The following VMP1 variants were observed in gnomAD, a reference collection of about 807,000 sequenced individuals.
VMP1 encodes the protein vacuole membrane protein 1, also known as ectopic P-granules autophagy protein 3 homolog.
A neutral mutation model predicts 56.0 loss-of-function variants in VMP1; 11 were observed. The ratio of observed to expected loss-of-function variants is 0.20; its 90% CI spans 0.12 to 0.32. The LOEUF (loss-of-function observed/expected upper bound fraction) is 0.32, where lower values mean the gene tolerates loss of function less well. Ranked by LOEUF, VMP1 falls within the 10% of genes least tolerant of loss-of-function variation. The pLI is 1.00. For synonymous variants in VMP1, 149 were observed against 165.0 expected, an observed-to-expected ratio of 0.90 and a Z score of 0.74; for missense variants, 296 against 490.3, an observed-to-expected ratio of 0.60 and a Z score of 3.74.
chr17:59,773,681 G>T, intron 6 of VMP1, 73 bp from the exon 7 acceptor site: 1 of 1,409,578 alleles, frequency 7.1e-7, no homozygotes, highest in Non-Finnish European at 9.5e-7. Flanking sequence ...ATATAGAAGA[G>T]TATGGGTTTG....
At chr17:59,714,191 A>G (rs2034057643) in intron 1 of VMP1, among the ~76,000 whole-genome samples, 1 of 152,102 alleles carries the variant, frequency 6.6e-6, no homozygotes, top group Non-Finnish European at 1.5e-5. Context: ...GAGTGGCCAC[A>G]TTGGGTAAGG....
At chr17:59,737,614 A>G in intron 4 of VMP1, 71 bp downstream of exon 4, 1 of 1,359,462 alleles carries the variant, frequency 7.4e-7, no homozygotes, top group Non-Finnish European at 1.0e-6. Flanking sequence ...TTCAAATGGG[A>G]TGAATGTGGG....
At chr17:59,733,171 G>A (rs2143810503) in intron 2 of VMP1, among the ~76,000 whole-genome samples, 1 of 151,160 alleles carries the variant, frequency 6.6e-6, no homozygotes, top group South Asian at 2.1e-4. Flanking sequence ...GGGTGACAGA[G>A]CAAGACCCTG....
intron 5 of VMP1, among the ~76,000 whole-genome samples, chr17:59,764,383 C>T (rs751143789): frequency 2.6e-5 from 4 of 152,122 alleles, no homozygotes; most frequent in Non-Finnish European, 1.5e-5. Context: ...GACTGGAGTG[C>T]AGTGGCACAA....
At chr17:59,838,543 A>G (rs2039058335) in intron 11 of VMP1, 146 bp downstream of exon 11, 6 of 731,358 alleles carry the variant, frequency 8.2e-6, no homozygotes, top group Non-Finnish European at 1.4e-5. Context: ...TGTATGCTCT[A>G]CTGGGAAATT....
chr17:59,773,340 G>C (rs1019127910), intron 6 of VMP1, among the ~76,000 whole-genome samples: 1 of 151,862 alleles, frequency 6.6e-6, no homozygotes, highest in Non-Finnish European at 1.5e-5. Flanking sequence ...CAGAGTCTAA[G>C]TAGAGATTCT....
chr17:59,739,322 A>G (rs1378062704), intron 5 of VMP1, among the ~76,000 whole-genome samples: 1 of 152,232 alleles, frequency 6.6e-6, no homozygotes, highest in African/African-American at 2.4e-5. Flanking sequence ...CTCTAACATC[A>G]TTTACATACT....
intron 10 of VMP1, among the ~76,000 whole-genome samples, chr17:59,837,365 G>A (rs1665672695): frequency 1.3e-5 from 2 of 152,098 alleles, no homozygotes; most frequent in South Asian, 4.1e-4. Flanking sequence ...GAAACTAAAA[G>A]GTACAGAAAA....
chr17:59,791,240 G>A (rs2645474), intron 7 of VMP1, among the ~76,000 whole-genome samples: 36,964 of 148,474 alleles, frequency 0.25, 4,965 homozygotes, highest in East Asian at 0.43. Context: ...CCAGGCTGGA[G>A]TGCAATGGCA....
At chr17:59,745,258 T>C (rs1220823903) in intron 5 of VMP1, among the ~76,000 whole-genome samples, 1 of 152,238 alleles carries the variant, frequency 6.6e-6, no homozygotes. Context: ...CTAACATTTA[T>C]TGAATGTTTA....
At chr17:59,830,987 G>A (rs2038788806) in intron 10 of VMP1, among the ~76,000 whole-genome samples, 1 of 151,818 alleles carries the variant, frequency 6.6e-6, no homozygotes, top group Non-Finnish European at 1.5e-5. Context: ...ACCACACCTG[G>A]TTAATTTTCT....
At chr17:59,714,059 A>T (rs1279667548) in intron 1 of VMP1, among the ~76,000 whole-genome samples, 1 of 151,778 alleles carries the variant, frequency 6.6e-6, no homozygotes. Context: ...AAAAAAAAAA[A>T]AAAAAAAAGA....
Position 59,839,979 on chromosome 17 carries a change from G to T in VMP1, c.*68G>T. 3 of 1,569,374 alleles carry T rather than the reference G, an allele frequency of 1.9e-6. No homozygotes were observed. Among genetic ancestry groups the T allele is most frequent in the Non-Finnish European group, 2.6e-6 (3 of 1,165,182 alleles). On this transcript the variant is annotated 3_prime_UTR_variant, in exon 12 of 12. Transcript: ENST00000262291. ...CTGCCTTAAATTGGGAGGACTCCAA[G>T]CCGGGAAGGAAAATTCCCTTTTCCA...
At chr17:59,717,999 G>T (rs2034234459) in intron 1 of VMP1, among the ~76,000 whole-genome samples, 3 of 152,004 alleles carry the variant, frequency 2.0e-5, no homozygotes, top group African/African-American at 7.2e-5. Context: ...TGAGTTGAGT[G>T]TATTTTATAC....
At chr17:59,819,331 C>CG (rs1568207948) in intron 10 of VMP1, among the ~76,000 whole-genome samples, 1 of 152,018 alleles carries the variant, frequency 6.6e-6, no homozygotes, top group African/African-American at 2.4e-5. Flanking sequence ...TTTGTAGAGA[C>CG]GGGGTCTCGC....
At chr17:59,722,815 A>C (rs1046229054) in intron 1 of VMP1, among the ~76,000 whole-genome samples, 7 of 152,100 alleles carry the variant, frequency 4.6e-5, no homozygotes, top group African/African-American at 1.7e-4. Context: ...CTGACGGTGG[A>C]GGTTGCAGTG....
chr17:59,802,955 A>G (rs1324399164), intron 7 of VMP1, among the ~76,000 whole-genome samples: 1 of 152,202 alleles, frequency 6.6e-6, no homozygotes, highest in Non-Finnish European at 1.5e-5. Context: ...CATGTTGGTC[A>G]GCCTGGTCTG....
At chr17:59,778,556 AG>A (rs1348664444) in intron 7 of VMP1, among the ~76,000 whole-genome samples, 1 of 146,322 alleles carries the variant, frequency 6.8e-6, no homozygotes, top group Admixed American at 6.8e-5. Flanking sequence ...AAAAAAAAAA[AG>A]AATAAGGCAC....
At chr17:59,836,200 CTTTTT>C (rs994713898) in intron 10 of VMP1, among the ~76,000 whole-genome samples, 1 of 151,026 alleles carries the variant, frequency 6.6e-6, no homozygotes, top group East Asian at 1.9e-4. Flanking sequence ...ATTAAAGAAT[CTTTTT>C]TTTATTTTTT....
Sources: gnomAD v4.1 joint callset for allele counts (sites outside exome capture counted in the v4.1 genomes callset) on GRCh38, gnomAD v4.1.1 for gene constraint, MANE v1.5 for transcripts, NCBI Gene and HGNC (gene_info 2026-07-23, HGNC 2026-07-21) for gene names.